KCNG3: variants seen among roughly 807,000 people sequenced by gnomAD.
KCNG3 encodes potassium voltage-gated channel modifier subfamily G member 3.
In KCNG3, 15 loss-of-function variants were observed where a neutral mutation model predicts 29.0. That is an observed-to-expected ratio of 0.52 (90% confidence interval 0.35 to 0.80). The LOEUF (loss-of-function observed/expected upper bound fraction) is 0.80. Among genes scored for constraint, KCNG3 ranks in the 30% least tolerant of loss-of-function variants. KCNG3 has a pLI of 0.01. For synonymous variants in KCNG3, 322 were observed against 248.9 expected, an observed-to-expected ratio of 1.29 and a Z score of -2.76; for missense variants, 512 against 605.7, an observed-to-expected ratio of 0.85 and a Z score of 1.62.
chr2:42,431,493 T>C, the KCNG3 span, among the ~76,000 whole-genome samples: 4 of 152,182 alleles, frequency 2.6e-5, no homozygotes, highest in Non-Finnish European at 5.9e-5. Context: ...TTGGGGCATA[T>C]GTACAAAATT....
chr2:42,486,953 T>C (rs542098335), intron 1 of KCNG3, among the ~76,000 whole-genome samples: 63 of 152,048 alleles, frequency 4.1e-4, no homozygotes, highest in African/African-American at 1.5e-3. Context: ...GGTCAGGAGT[T>C]TGAGACCAGC....
the KCNG3 span, among the ~76,000 whole-genome samples, chr2:42,430,235 G>C: frequency 3.3e-5 from 5 of 151,650 alleles, no homozygotes; most frequent in Admixed American, 3.3e-4. Context: ...GAGCATCATG[G>C]TGCACGCCTG....
intron 1 of KCNG3, among the ~76,000 whole-genome samples, chr2:42,460,863 T>C (rs899498137): frequency 3.3e-5 from 5 of 152,060 alleles, no homozygotes; most frequent in African/African-American, 1.2e-4. Flanking sequence ...TTGATTTTCT[T>C]AACTGATAAA....
At chr2:42,390,790 C>T in the KCNG3 span, among the ~76,000 whole-genome samples, 2 of 152,236 alleles carry the variant, frequency 1.3e-5, no homozygotes, top group African/African-American at 2.4e-5. Flanking sequence ...CTCCCACCAG[C>T]ATTCACAGGC....
At chr2:42,430,599 A>C in the KCNG3 span, among the ~76,000 whole-genome samples, 4 of 151,812 alleles carry the variant, frequency 2.6e-5, no homozygotes, top group Admixed American at 2.0e-4. Flanking sequence ...AAAATGTTAA[A>C]AATTAGCTAG....
chr2:42,493,572 G>A lies in KCNG3; in HGVS notation c.-71C>T, dbSNP rs1673975969. 1.6e-6 allele frequency: 2 copies of A among 1,242,340 alleles called. No homozygotes were observed. Among genetic ancestry groups the A allele is most frequent in the Admixed American group, 8.5e-5 (2 of 23,568 alleles). 77.0% of individuals were successfully genotyped at this position (1,242,340 alleles called of 1,614,324 possible). A position where few individuals can be genotyped will look rare whatever the true frequency, so the allele number is the denominator to read the frequency against. ...CCCCCACCCCAAGCCGCCACGCGGG[G>A]CCTGCCTGCCCGTGGCTGACGGGGG... On this transcript the variant is annotated 5_prime_UTR_variant, in exon 1 of 2. Transcript: ENST00000306078.
At chr2:42,487,782 C>T (rs1053287990) in intron 1 of KCNG3, among the ~76,000 whole-genome samples, 2 of 152,264 alleles carry the variant, frequency 1.3e-5, no homozygotes, top group Non-Finnish European at 2.9e-5. Flanking sequence ...TATGGATATA[C>T]CTGCATAAAA....
At chr2:42,456,154 T>A (rs2103681327) in intron 1 of KCNG3, among the ~76,000 whole-genome samples, 1 of 152,248 alleles carries the variant, frequency 6.6e-6, no homozygotes, top group Admixed American at 6.5e-5. Flanking sequence ...TATTTATAAC[T>A]TCTTTGAAGC....
chr2:42,414,422 A>T, the KCNG3 span, among the ~76,000 whole-genome samples: 1 of 152,224 alleles, frequency 6.6e-6, no homozygotes. Context: ...GCTAAAAATA[A>T]GCATACTGTT....
chr2:42,448,770 A>G (rs1335496986), intron 1 of KCNG3, among the ~76,000 whole-genome samples: 2 of 152,172 alleles, frequency 1.3e-5, no homozygotes, highest in East Asian at 3.9e-4. Context: ...CGGGCGGATC[A>G]TGAGGTCAAG....
the KCNG3 span, among the ~76,000 whole-genome samples, chr2:42,417,466 A>T: frequency 1.3e-5 from 2 of 151,754 alleles, no homozygotes; most frequent in Non-Finnish European, 2.9e-5. Context: ...CACCACAGGC[A>T]CGCACTAACA....
At chr2:42,397,180 G>T in the KCNG3 span, among the ~76,000 whole-genome samples, 2 of 151,640 alleles carry the variant, frequency 1.3e-5, no homozygotes, top group East Asian at 3.9e-4. Flanking sequence ...GGAGGTGGAG[G>T]TTACAGCGAG....
intron 1 of KCNG3, among the ~76,000 whole-genome samples, chr2:42,476,423 G>T (rs1673427422): frequency 6.6e-6 from 1 of 151,984 alleles, no homozygotes; most frequent in Non-Finnish European, 1.5e-5. Context: ...GCTGCAGTGG[G>T]CTGAGATCAT....
the KCNG3 span, among the ~76,000 whole-genome samples, chr2:42,396,146 G>A: frequency 6.6e-6 from 1 of 152,078 alleles, no homozygotes; most frequent in Non-Finnish European, 1.5e-5. Context: ...AAGTAAAAAT[G>A]GAATAGTGAC....
chr2:42,420,297 A>G, the KCNG3 span, among the ~76,000 whole-genome samples: 3 of 152,252 alleles, frequency 2.0e-5, no homozygotes, highest in African/African-American at 7.2e-5. Flanking sequence ...TTTGAATTGC[A>G]GCTGTGCTAC....
At chr2:42,457,962 T>G (rs896373024) in intron 1 of KCNG3, among the ~76,000 whole-genome samples, 2 of 152,102 alleles carry the variant, frequency 1.3e-5, no homozygotes, top group African/African-American at 4.8e-5. Flanking sequence ...CATCTCAATA[T>G]ATAAATAAGT....
intron 1 of KCNG3, among the ~76,000 whole-genome samples, chr2:42,466,515 G>T (rs1355800391): frequency 2.0e-5 from 3 of 152,160 alleles, no homozygotes; most frequent in African/African-American, 7.2e-5. Context: ...TGTGGCCTAG[G>T]AGCAATAGGC....
intron 1 of KCNG3, among the ~76,000 whole-genome samples, chr2:42,465,108 T>G (rs1673107661): frequency 6.6e-6 from 1 of 152,214 alleles, no homozygotes. Context: ...TGCATTACTA[T>G]CCTTACTTCA....
the KCNG3 span, among the ~76,000 whole-genome samples, chr2:42,398,260 T>TAAATA: frequency 0.25 from 31,203 of 123,448 alleles, 3,669 homozygotes; most frequent in East Asian, 0.37. Flanking sequence ...AATAAATAAA[T>TAAATA]AAATAAAATA....
Sources: gnomAD v4.1 joint callset for allele counts (sites outside exome capture counted in the v4.1 genomes callset) on GRCh38, gnomAD v4.1.1 for gene constraint, MANE v1.5 for transcripts, NCBI Gene and HGNC (gene_info 2026-07-23, HGNC 2026-07-21) for gene names.